Variants in FGF12 observed in about 807,000 individuals in gnomAD.
FGF12 encodes the protein fibroblast growth factor 12.
FGF12 carries 14 observed loss-of-function variants against 23.6 expected under a neutral mutation model. That is an observed-to-expected ratio of 0.59 (90% confidence interval 0.39 to 0.93). The LOEUF is 0.93. Ranked by LOEUF, FGF12 falls within the 40% of genes least tolerant of loss-of-function variation. The pLI, the probability that FGF12 is intolerant of heterozygous loss-of-function variation, is 0.00. For synonymous variants in FGF12, 62 were observed against 77.3 expected, an observed-to-expected ratio of 0.80 and a Z score of 1.04; for missense variants, 175 against 217.8, an observed-to-expected ratio of 0.80 and a Z score of 1.24.
At chr3:192,654,979 G>C (rs1350215851) in intron 2 of FGF12, among the ~76,000 whole-genome samples, 1 of 152,058 alleles carries the variant, frequency 6.6e-6, no homozygotes. Flanking sequence ...TCATTCCTTG[G>C]AGCAATGATA....
intron 2 of FGF12, among the ~76,000 whole-genome samples, chr3:192,557,327 TA>T (rs1268964695): frequency 7.5e-5 from 11 of 146,212 alleles, no homozygotes; most frequent in South Asian, 6.5e-4. Flanking sequence ...CAGATAAGTC[TA>T]AAAAAAAAGA....
intron 4 of FGF12, among the ~76,000 whole-genome samples, chr3:192,320,552 G>A (rs1171177948): frequency 6.6e-6 from 1 of 152,146 alleles, no homozygotes; most frequent in Non-Finnish European, 1.5e-5. Flanking sequence ...TAGACCATAT[G>A]CTAGGTCACA....
intron 5 of FGF12, among the ~76,000 whole-genome samples, chr3:192,168,628 C>T (rs576506344): frequency 1.2e-3 from 179 of 152,224 alleles, no homozygotes; most frequent in African/African-American, 4.0e-3. Flanking sequence ...AGTTCTCTGG[C>T]GCATATATTC....
chr3:192,193,654 C>T (rs549525530), intron 4 of FGF12, among the ~76,000 whole-genome samples: 4 of 152,136 alleles, frequency 2.6e-5, no homozygotes, highest in African/African-American at 7.2e-5. Context: ...CACCCTATGT[C>T]ATCTTCCATT....
At chr3:192,252,844 A>G (rs1302979166) in intron 4 of FGF12, among the ~76,000 whole-genome samples, 1 of 152,190 alleles carries the variant, frequency 6.6e-6, no homozygotes, top group Non-Finnish European at 1.5e-5. Context: ...TAATTATAAT[A>G]AAAAGCATTA....
intron 2 of FGF12, among the ~76,000 whole-genome samples, chr3:192,450,838 T>C (rs1722501009): frequency 6.6e-6 from 1 of 152,208 alleles, no homozygotes; most frequent in Admixed American, 6.5e-5. Flanking sequence ...GTGTCAATCC[T>C]ATACTTATTT....
At chr3:192,410,395 G>T (rs563892141) in intron 2 of FGF12, among the ~76,000 whole-genome samples, 74 of 152,290 alleles carry the variant, frequency 4.9e-4, no homozygotes, top group African/African-American at 1.7e-3. Flanking sequence ...TGCAGCTTGG[G>T]TCTGCTCCGT....
chr3:192,476,096 C>T (rs1723314988), intron 2 of FGF12, among the ~76,000 whole-genome samples: 1 of 152,114 alleles, frequency 6.6e-6, no homozygotes, highest in South Asian at 2.1e-4. Context: ...TCACCTGCAG[C>T]TCCAGGTGAG....
At chr3:192,420,374 G>A (rs1351556912) in intron 2 of FGF12, among the ~76,000 whole-genome samples, 2 of 152,146 alleles carry the variant, frequency 1.3e-5, no homozygotes, top group African/African-American at 4.8e-5. Context: ...TAATCACAGA[G>A]AAATCTGGAG....
At chr3:192,186,866 A>T (rs1263204759) in intron 4 of FGF12, among the ~76,000 whole-genome samples, 1 of 152,156 alleles carries the variant, frequency 6.6e-6, no homozygotes, top group East Asian at 1.9e-4. Context: ...TTCCCCCTGA[A>T]ATGTACCAAC....
At chr3:192,296,801 G>T (rs1321270808) in intron 4 of FGF12, among the ~76,000 whole-genome samples, 1 of 151,942 alleles carries the variant, frequency 6.6e-6, no homozygotes, top group East Asian at 1.9e-4. Context: ...TACTTTTAAG[G>T]TCCAAACTTT....
chr3:192,522,146 C>T (rs376473979), intron 2 of FGF12, among the ~76,000 whole-genome samples: 16 of 150,558 alleles, frequency 1.1e-4, no homozygotes, highest in African/African-American at 2.9e-4. Context: ...TGCAATGAGC[C>T]GAGATCGCGC....
At chr3:192,424,274 CT>C (rs1231376302) in intron 2 of FGF12, among the ~76,000 whole-genome samples, 1 of 152,058 alleles carries the variant, frequency 6.6e-6, no homozygotes, top group African/African-American at 2.4e-5. Flanking sequence ...AGTCATAATT[CT>C]TTTTGTAACC....
At chr3:192,698,523 T>C (rs1718195409) in intron 2 of FGF12, among the ~76,000 whole-genome samples, 1 of 152,048 alleles carries the variant, frequency 6.6e-6, no homozygotes, top group Non-Finnish European at 1.5e-5. Flanking sequence ...AATAAAAATA[T>C]TTACTGAGTG....
intron 4 of FGF12, among the ~76,000 whole-genome samples, chr3:192,288,109 C>T (rs542137077): frequency 2.6e-5 from 4 of 152,058 alleles, no homozygotes; most frequent in Non-Finnish European, 4.4e-5. Context: ...GGGGTGTTCA[C>T]TATAGGCATA....
chr3:192,519,818 TAAG>T (rs1331222781), intron 2 of FGF12, among the ~76,000 whole-genome samples: 1 of 152,262 alleles, frequency 6.6e-6, no homozygotes, highest in Non-Finnish European at 1.5e-5. Context: ...ATATTTATTC[TAAG>T]GATTATAATC....
intron 2 of FGF12, among the ~76,000 whole-genome samples, chr3:192,536,130 C>G (rs73887612): frequency 6.6e-6 from 1 of 152,120 alleles, no homozygotes; most frequent in African/African-American, 2.4e-5. Flanking sequence ...ACCCACACAC[C>G]AAATCCAGCA....
chr3:192,652,388 G>A (rs938512933), intron 2 of FGF12, among the ~76,000 whole-genome samples: 3 of 152,166 alleles, frequency 2.0e-5, no homozygotes, highest in African/African-American at 7.2e-5. Flanking sequence ...AGCTCACCCA[G>A]GAAGGTAGTT....
intron 2 of FGF12, among the ~76,000 whole-genome samples, chr3:192,607,709 C>T (rs1018155684): frequency 3.3e-5 from 5 of 151,688 alleles, no homozygotes; most frequent in African/African-American, 1.2e-4. Flanking sequence ...ATTTAAGCTC[C>T]CCATGTATTT....
Sources: allele counts gnomAD v4.1 joint callset (sites outside exome capture counted in the v4.1 genomes callset), GRCh38; gene constraint gnomAD v4.1.1; transcripts MANE v1.5; gene names NCBI Gene and HGNC (gene_info 2026-07-23, HGNC 2026-07-21).